Variants in HSPD1 observed in about 807,000 individuals in gnomAD.
HSPD1 encodes 60 kDa heat shock protein, mitochondrial.
Under a neutral mutation model 53.0 loss-of-function variants are expected in HSPD1, and 3 were observed. That is an observed-to-expected ratio of 0.06 (90% confidence interval 0.03 to 0.15). HSPD1 has a LOEUF of 0.15. Among genes scored for constraint, HSPD1 ranks in the 10% least tolerant of loss-of-function variants. HSPD1 has a pLI of 1.00. For synonymous variants in HSPD1, 200 were observed against 228.0 expected (o/e 0.88, Z 1.10); for missense variants, 431 against 694.1 (o/e 0.62, Z 4.26).
chr2:197,491,257 G>T (rs1031872706), intron 7 of HSPD1, among the ~76,000 whole-genome samples: 3 of 149,114 alleles, frequency 2.0e-5, no homozygotes, highest in Non-Finnish European at 3.0e-5. Context: ...GCGAGATCTC[G>T]GCTCACTGCA....
At chr2:197,499,392 G>A (rs2086209174) in intron 1 of HSPD1, 1 of 163,778 alleles carries the variant, frequency 6.1e-6, no homozygotes, top group Non-Finnish European at 1.3e-5. Flanking sequence ...CCTTCTTTCC[G>A]AACGCCCCCA....
rs2086028898 is a variant in HSPD1, at chr2:197,486,650, A to G, written c.*396T>C. On this transcript the variant is annotated 3_prime_UTR_variant, in exon 12 of 12. Coordinates refer to ENST00000388968, the MANE Select transcript of HSPD1 (RefSeq NM_002156.5). ...AATTGGATACTTCTCTACTTTGTACACAATTATTCTCACTCTCCACAGAAA... is the reference window on the plus strand; with the variant it reads ...AATTGGATACTTCTCTACTTTGTACGCAATTATTCTCACTCTCCACAGAAA... 3.8e-6 allele frequency: 1 copy of G among 259,854 alleles called. No homozygotes were observed. Among genetic ancestry groups the G allele is most frequent in the African/African-American group, 2.2e-5 (1 of 45,130 alleles). The allele number at this position is 259,854 out of a possible 1,614,324, so 16.1% of individuals were successfully genotyped here. A position where few individuals can be genotyped will look rare whatever the true frequency, so the allele number is the denominator to read the frequency against.
rs765119572 is a variant in HSPD1, at chr2:197,498,715, T to G, written c.134A>C (p.Asp45Ala). Residue 45 changes from aspartate (D) to alanine (A), a missense_variant, in exon 2 of 12, where the codon GAC becomes GCC. Transcript: ENST00000388968. ...AACGGCCACAGCATCGGCTAAAAGGTCTACACCTTGAAGCATTAAGGCTCG... is the reference window on the plus strand; with the variant it reads ...AACGGCCACAGCATCGGCTAAAAGGGCTACACCTTGAAGCATTAAGGCTCG... ...DARALMLQGV[D>A]LLADAVAVTM... 1.9e-6 allele frequency: 3 copies of G among 1,613,962 alleles called. No individual in the cohort carries two copies. The African/African-American group carries it at 4.0e-5, about 22-fold the overall frequency.
chr2:197,490,114 C>CT (rs1350589537), intron 8 of HSPD1, 83 bp downstream of exon 8: 11 of 1,003,334 alleles, frequency 1.1e-5, no homozygotes, highest in African/African-American at 4.8e-5. Context: ...GTTGTAGTAT[C>CT]TAATTGTGAA....
At chr2:197,493,279 T>A (rs1274663274) in intron 7 of HSPD1, 45 bp downstream of exon 7, 1 of 1,517,482 alleles carries the variant, frequency 6.6e-7, no homozygotes, top group Non-Finnish European at 9.1e-7. Context: ...AATAATTCTG[T>A]CTTTCACCGA....
intron 9 of HSPD1, 93 bp downstream of exon 9, chr2:197,488,909 T>C: frequency 3.9e-6 from 5 of 1,298,174 alleles, no homozygotes; most frequent in Non-Finnish European, 5.6e-6. Context: ...CAAGTATTCG[T>C]TTAGTTCTAT....
At chr2:197,498,361 TG>T (rs2086186551) in intron 2 of HSPD1, among the ~76,000 whole-genome samples, 1 of 152,234 alleles carries the variant, frequency 6.6e-6, no homozygotes, top group South Asian at 2.1e-4. Flanking sequence ...CATGAACTAC[TG>T]GGAAAGGATC....
At chr2:197,493,246 T>C (rs746175644) in intron 7 of HSPD1, 78 bp downstream of exon 7, 1 of 1,238,618 alleles carries the variant, frequency 8.1e-7, no homozygotes, top group Admixed American at 1.7e-5. Context: ...GTACACATGA[T>C]GGAAACTGCA....
Position 197,489,146 on chromosome 2 carries a change from G to T in HSPD1, c.1071C>A (p.Leu357=). ...GAGCCTTGTCACCTTTTCCTTTTAA[G>T]AGCATGGCATCGTCTTTGGTCACAA... The part of the protein sequence containing the change: ...EVIVTKDDAM[L]LKGKGDKAQI... Residue 357 remains leucine (L), a synonymous_variant, in exon 9 of 12, where the codon CTC becomes CTA. Transcript: ENST00000388968. The T allele has an allele frequency of 6.2e-7, 1 of 1,614,036 alleles. No homozygotes were observed. Among genetic ancestry groups the T allele is most frequent in the Non-Finnish European group, 8.5e-7 (1 of 1,179,982 alleles).
chr2:197,500,195 C>T (rs1040451158), upstream of HSPD1: 6 of 593,212 alleles, frequency 1.0e-5, no homozygotes, highest in Middle Eastern at 4.6e-4. Flanking sequence ...AGAAACAGCT[C>T]CTTTTTTCTT....
intron 7 of HSPD1, among the ~76,000 whole-genome samples, chr2:197,492,630 G>A (rs903561783): frequency 1.3e-5 from 2 of 151,828 alleles, no homozygotes; most frequent in African/African-American, 4.9e-5. Context: ...TTGAACCCCG[G>A]AGGCTTGAGC....
upstream of HSPD1, chr2:197,500,234 T>G: frequency 1.5e-6 from 1 of 654,884 alleles, no homozygotes; most frequent in Admixed American, 2.9e-5. Context: ...GTCAGCGTCC[T>G]GCGCAGGGCC....
intron 10 of HSPD1, 54 bp from the exon 11 acceptor site, chr2:197,488,090 A>C (rs2086048610): frequency 2.3e-6 from 3 of 1,282,756 alleles, no homozygotes; most frequent in Non-Finnish European, 3.3e-6. Flanking sequence ...ATATTGTAAC[A>C]CATTTATAAG....
At chr2:197,496,393 T>C (rs958632731) in intron 3 of HSPD1, among the ~76,000 whole-genome samples, 1 of 152,228 alleles carries the variant, frequency 6.6e-6, no homozygotes, top group Non-Finnish European at 1.5e-5. Flanking sequence ...GAGGTAATGA[T>C]ACATTAGTAA....
chr2:197,497,104 A>G, intron 3 of HSPD1, 36 bp downstream of exon 3: 1 of 1,606,034 alleles, frequency 6.2e-7, no homozygotes, highest in East Asian at 2.2e-5. Flanking sequence ...AGCACACTGA[A>G]GTTTAGAACA....
At chr2:197,491,375 T>C (rs545119728) in intron 7 of HSPD1, among the ~76,000 whole-genome samples, 2 of 152,042 alleles carry the variant, frequency 1.3e-5, no homozygotes, top group Non-Finnish European at 2.9e-5. Context: ...TTAGCCAGGA[T>C]GGTCTCCATC....
chr2:197,497,219 A>C lies in HSPD1; in HGVS notation c.348T>G (p.Ala116=). 1 of 1,613,860 alleles carries C rather than the reference A, an allele frequency of 6.2e-7. No homozygotes were observed. Among genetic ancestry groups the C allele is most frequent in the South Asian group, 1.1e-5 (1 of 91,076 alleles). ...TGGCTATAGAGCGTGCCAGTACAGT[A>C]GCAGTGGTAGTGCCATCCCCAGCTT... is the stretch of plus-strand genomic sequence containing the variant. ...NEEAGDGTTT[A]TVLARSIAKE... The change falls in exon 3 of 12, where the codon GCT becomes GCG. Residue 116 remains alanine, a synonymous_variant. Coordinates refer to ENST00000388968, the MANE Select transcript of HSPD1 (RefSeq NM_002156.5).
intron 7 of HSPD1, among the ~76,000 whole-genome samples, chr2:197,491,863 G>A (rs2086097338): frequency 6.6e-6 from 1 of 152,216 alleles, no homozygotes; most frequent in Non-Finnish European, 1.5e-5. Context: ...TCACAGCCAA[G>A]GGTAGTGGCT....
intron 2 of HSPD1, chr2:197,497,651 G>A (rs917033704): frequency 3.4e-5 from 18 of 532,674 alleles, no homozygotes; most frequent in African/African-American, 3.0e-4. Flanking sequence ...ACTAAAACTT[G>A]TCATCTTATA....
Sources: allele counts gnomAD v4.1 joint callset (sites outside exome capture counted in the v4.1 genomes callset), GRCh38; gene constraint gnomAD v4.1.1; transcripts MANE v1.5; gene names NCBI Gene and HGNC (gene_info 2026-07-23, HGNC 2026-07-21).